BTF3L4: variants seen among roughly 807,000 people sequenced by gnomAD.
BTF3L4 encodes transcription factor BTF3 homolog 4.
In BTF3L4, 6 loss-of-function variants were observed where a neutral mutation model predicts 16.8. The ratio of observed to expected loss-of-function variants is 0.36; its 90% CI spans 0.20 to 0.71. BTF3L4 has a LOEUF of 0.71. BTF3L4 is among the 30% of genes least tolerant of loss of function. The pLI is 0.58. For missense variants in BTF3L4, 92 were observed against 186.9 expected (o/e 0.49, Z 2.96); for synonymous variants, 39 against 59.8 (o/e 0.65, Z 1.60).
At chr1:52,077,405 G>A (rs1270397537) in intron 3 of BTF3L4, among the ~76,000 whole-genome samples, 1 of 152,106 alleles carries the variant, frequency 6.6e-6, no homozygotes, top group Non-Finnish European at 1.5e-5. Flanking sequence ...AGCTGGGCGT[G>A]GTGTCACATG....
chr1:52,080,829 C>T (rs1454113374), intron 3 of BTF3L4, among the ~76,000 whole-genome samples: 9 of 136,714 alleles, frequency 6.6e-5, no homozygotes, highest in African/African-American at 1.9e-4. Flanking sequence ...CCACTGCGCT[C>T]GGCCTTCTTT....
intron 3 of BTF3L4, among the ~76,000 whole-genome samples, chr1:52,067,065 G>A (rs1322536818): frequency 6.6e-6 from 1 of 151,746 alleles, no homozygotes; most frequent in African/African-American, 2.4e-5. Flanking sequence ...GGTGAGACCC[G>A]TCTCTACTAA....
chr1:52,086,063 T>C, intron 4 of BTF3L4, 49 bp from the exon 5 acceptor site: 1 of 1,314,058 alleles, frequency 7.6e-7, no homozygotes, highest in Middle Eastern at 2.1e-4. Flanking sequence ...ATAAGTTTTC[T>C]TTAAGGTCTT....
intron 3 of BTF3L4, among the ~76,000 whole-genome samples, chr1:52,080,070 C>T (rs1313466036): frequency 6.6e-6 from 1 of 151,940 alleles, no homozygotes; most frequent in Non-Finnish European, 1.5e-5. Context: ...TGGGGTTTCA[C>T]TATGTTAGCC....
At chr1:52,074,167 T>G (rs1474894706) in intron 3 of BTF3L4, among the ~76,000 whole-genome samples, 2 of 151,450 alleles carry the variant, frequency 1.3e-5, no homozygotes, top group South Asian at 2.1e-4. Context: ...CCTTGTTTTT[T>G]TTTGTTTGTT....
At chr1:52,060,540 G>A in intron 2 of BTF3L4, 1 of 1,229,744 alleles carries the variant, frequency 8.1e-7, no homozygotes, top group Non-Finnish European at 1.1e-6. Flanking sequence ...AGCAACTGAA[G>A]TCTTTGATTC....
At chr1:52,075,692 A>G (rs1413753254) in intron 3 of BTF3L4, among the ~76,000 whole-genome samples, 1 of 150,778 alleles carries the variant, frequency 6.6e-6, no homozygotes, top group Non-Finnish European at 1.5e-5. Flanking sequence ...AGTTCTTTCA[A>G]CTCTCTTGTT....
At position 52,071,931 on chromosome 1, in the gene BTF3L4, CT is replaced by C. The variant is rs1686796768; in HGVS notation, c.168+6994del. ...TTGGCTTTTTGTTTTGTTTTTTACT[CT>C]GTGTGTGTGTGTGTGTGTGTGTGTG... On this transcript the variant is annotated intron_variant, in intron 3 of 5. Transcript: ENST00000313334. Among the ~76,000 whole-genome samples, 7 of 127,972 alleles carry C rather than the reference CT, an allele frequency of 5.5e-5. No homozygotes were observed. The East Asian group carries it at 1.1e-3, about 21-fold the overall frequency. 84.0% of individuals were successfully genotyped at this position (127,972 alleles called of 152,430 possible).
chr1:52,078,301 G>A (rs182276807), intron 3 of BTF3L4, among the ~76,000 whole-genome samples: 22 of 146,942 alleles, frequency 1.5e-4, no homozygotes, highest in Admixed American at 8.4e-4. Context: ...GGATTTAAGC[G>A]CGCCTCCTGC....
rs1425231144 is a variant in BTF3L4 at position 52,087,511 on chromosome 1, A to C, written c.*753A>C. ...TAATATTCTTCCTCATCTTCCACCT[A>C]GCTTGAGAAGGATGTTCTCCATATA... is the stretch of plus-strand genomic sequence containing the variant. On this transcript the variant is annotated 3_prime_UTR_variant, in exon 6 of 6. Coordinates refer to ENST00000313334, the MANE Select transcript of BTF3L4 (RefSeq NM_152265.5). 1 of 152,092 alleles carries C rather than the reference A, an allele frequency of 6.6e-6. No homozygotes were observed. Among genetic ancestry groups the C allele is most frequent in the African/African-American group, 2.4e-5 (1 of 41,416 alleles). 9.4% of individuals were successfully genotyped at this position (152,092 alleles called of 1,614,324 possible).
At chr1:52,078,754 G>A (rs1686994118) in intron 3 of BTF3L4, among the ~76,000 whole-genome samples, 1 of 152,106 alleles carries the variant, frequency 6.6e-6, no homozygotes, top group Non-Finnish European at 1.5e-5. Flanking sequence ...AGCAAAAAAT[G>A]AGAGCAAGGG....
intron 3 of BTF3L4, among the ~76,000 whole-genome samples, chr1:52,073,255 A>C (rs771114605): frequency 2.0e-5 from 3 of 152,030 alleles, no homozygotes; most frequent in African/African-American, 7.2e-5. Context: ...TTGCACTCCA[A>C]CCTCGGCAAC....
At chr1:52,086,392 T>C (rs1643973385) in intron 5 of BTF3L4, 1 of 495,054 alleles carries the variant, frequency 2.0e-6, no homozygotes, top group East Asian at 3.3e-5. Context: ...ATTTATTAAA[T>C]TGAAATCACT....
chr1:52,073,806 T>G (rs1255078578), intron 3 of BTF3L4, among the ~76,000 whole-genome samples: 1 of 150,418 alleles, frequency 6.6e-6, no homozygotes, highest in Non-Finnish European at 1.5e-5. Flanking sequence ...AAGACCAGCT[T>G]GGCCGAGATG....
At chr1:52,062,590 G>A (rs1686543860) in intron 2 of BTF3L4, among the ~76,000 whole-genome samples, 1 of 152,098 alleles carries the variant, frequency 6.6e-6, no homozygotes. Flanking sequence ...ACTTTTATAT[G>A]CCATACTAAG....
At chr1:52,081,415 C>T (rs1162567180) in intron 3 of BTF3L4, among the ~76,000 whole-genome samples, 2 of 152,138 alleles carry the variant, frequency 1.3e-5, no homozygotes, top group African/African-American at 4.8e-5. Context: ...TGAGCCACCG[C>T]ACCTGGCCTG....
chr1:52,056,298 GC>G lies in BTF3L4; in HGVS notation c.-93del, dbSNP rs1686348662. 1 of 156,668 alleles carries G rather than the reference GC, an allele frequency of 6.4e-6. No homozygotes were observed. The highest frequency in any genetic ancestry group is 2.4e-5 in the African/African-American group (1 of 41,520). 9.7% of individuals were successfully genotyped at this position (156,668 alleles called of 1,614,324 possible). A position where few individuals can be genotyped will look rare whatever the true frequency, so the allele number is the denominator to read the frequency against. Reference sequence around the variant, plus strand: ...ATCTGCTCCCGCCGCCGCCGCCGCCGCCGTCGTCTTTCTCTGTCTCGGCTGA... The same window carrying G: ...ATCTGCTCCCGCCGCCGCCGCCGCCGCGTCGTCTTTCTCTGTCTCGGCTGA... On this transcript the variant is annotated 5_prime_UTR_variant, in exon 1 of 6. Transcript: ENST00000313334.
Position 52,059,918 on chromosome 1 carries a change from A to T in BTF3L4, c.54+17A>T, listed in dbSNP as rs1686466372. 1 of 1,604,442 alleles carries T rather than the reference A, an allele frequency of 6.2e-7. No homozygotes were observed. Among genetic ancestry groups the T allele is most frequent in the Non-Finnish European group, 8.5e-7 (1 of 1,174,726 alleles). ...GGGGGCAAGGTGAGTGTGGCATAAG[A>T]AAAATTGATAGGAGAATGTATGATT... On this transcript the variant is annotated intron_variant, in intron 2 of 5. Coordinates refer to ENST00000313334, the MANE Select transcript of BTF3L4 (RefSeq NM_152265.5).
chr1:52,068,926 C>G (rs1408184181), intron 3 of BTF3L4, among the ~76,000 whole-genome samples: 1 of 152,148 alleles, frequency 6.6e-6, no homozygotes, highest in Non-Finnish European at 1.5e-5. Context: ...TCGTGTATGC[C>G]TCCACAATGC....
Sources: allele counts gnomAD v4.1 joint callset (sites outside exome capture counted in the v4.1 genomes callset), GRCh38; gene constraint gnomAD v4.1.1; transcripts MANE v1.5; gene names NCBI Gene and HGNC (gene_info 2026-07-23, HGNC 2026-07-21).